The following KRT8 variants were observed in gnomAD, a reference collection of about 807,000 sequenced individuals.
KRT8 encodes keratin, type II cytoskeletal 8.
In KRT8, 24 loss-of-function variants were observed where a neutral mutation model predicts 43.0. The observed-to-expected ratio is 0.56, with a 90% confidence interval of 0.40 to 0.78. KRT8 has a LOEUF of 0.78. Among genes scored for constraint, KRT8 ranks in the 30% least tolerant of loss-of-function variants. KRT8 has a pLI of 0.00. For synonymous variants in KRT8, 214 were observed against 261.2 expected, an observed-to-expected ratio of 0.82 and a Z score of 1.74; for missense variants, 492 against 638.4, an observed-to-expected ratio of 0.77 and a Z score of 2.47.
At chr12:52,938,136 C>A (rs990306823) in intron 2 of KRT8, among the ~76,000 whole-genome samples, 9 of 44,048 alleles carry the variant, frequency 2.0e-4, no homozygotes, top group Non-Finnish European at 3.7e-4. Context: ...CACTAGAAAG[C>A]TATATATATA....
chr12:52,922,323 T>C (rs911039104), intron 2 of KRT8, among the ~76,000 whole-genome samples: 3 of 151,724 alleles, frequency 2.0e-5, no homozygotes, highest in Admixed American at 6.6e-5. Context: ...CAGTACCATA[T>C]GGCAGGCACT....
At chr12:52,948,839 A>G (rs1010369938) in intron 2 of KRT8, 18 of 413,370 alleles carry the variant, frequency 4.4e-5, no homozygotes, top group Admixed American at 2.2e-4. Flanking sequence ...CTGGGGGAGA[A>G]GAGCATAATA....
chr12:52,900,051 C>T (rs1941327631), exon 5 of KRT8: 18 of 1,612,516 alleles, frequency 1.1e-5, no homozygotes, highest in Non-Finnish European at 1.4e-5. Context: ...TCTGGGACTG[C>T]AGCTCCCGGA....
chr12:52,903,027 C>T (rs1026739839), intron 1 of KRT8, among the ~76,000 whole-genome samples: 2 of 152,022 alleles, frequency 1.3e-5, no homozygotes, highest in Admixed American at 6.5e-5. Context: ...AACAAAAAAA[C>T]TTGTAACTCC....
chr12:52,901,139 G>C lies in KRT8; in HGVS notation c.594+20C>G, dbSNP rs1332218261. ...GCCCCAGCCTCCAGTGTCCAGATAGGAGAAGGGAGACTCCCTCACCTTCTT... is the reference window on the plus strand; with the variant it reads ...GCCCCAGCCTCCAGTGTCCAGATAGCAGAAGGGAGACTCCCTCACCTTCTT... On this transcript the variant is annotated intron_variant, in intron 3 of 7. Coordinates refer to ENST00000692008, the Ensembl canonical transcript of KRT8. The C allele has an allele frequency of 6.4e-7, 1 of 1,566,608 alleles. No individual in the cohort carries two copies. The highest frequency in any genetic ancestry group is 8.8e-7 in the Non-Finnish European group (1 of 1,136,814).
At chr12:52,910,618 G>A (rs1344883369), upstream of KRT8, among the ~76,000 whole-genome samples, 1 of 152,218 alleles carries the variant, frequency 6.6e-6, no homozygotes, top group East Asian at 1.9e-4. Flanking sequence ...GGAAGTGGAA[G>A]TTATTGAGAG....
chr12:52,918,248 A>AAGAAGAAGAAGAAGG (rs1565725906), intron 2 of KRT8, among the ~76,000 whole-genome samples: 6 of 151,738 alleles, frequency 4.0e-5, no homozygotes, highest in African/African-American at 1.5e-4. Flanking sequence ...GAAGAAGAAG[A>AAGAAGAAGAAGAAGG]AGAAGAAGAA....
At chr12:52,922,395 A>G (rs2007964) in intron 2 of KRT8, among the ~76,000 whole-genome samples, 115,572 of 152,030 alleles carry the variant, frequency 0.76, 44,896 homozygotes, top group African/African-American at 0.92. Context: ...TGAGGAGGCC[A>G]GGCACGGTGG....
chr12:52,949,607 A>C, intron 1 of KRT8: 1 of 1,606,568 alleles, frequency 6.2e-7, no homozygotes, highest in Non-Finnish European at 8.5e-7. Context: ...GGTAGGAGGG[A>C]CCTCAACTCC....
chr12:52,900,533 G>C, intron 4 of KRT8, 55 bp downstream of exon 4: 1 of 1,132,498 alleles, frequency 8.8e-7, no homozygotes, highest in Non-Finnish European at 1.3e-6. Flanking sequence ...GAGTCTCAGG[G>C]TGGAGGCGCT....
chr12:52,938,136 CTATATATATATATATATATATA>C (rs1161700326), intron 2 of KRT8, among the ~76,000 whole-genome samples: 1 of 44,054 alleles, frequency 2.3e-5, no homozygotes, highest in East Asian at 5.4e-4. Context: ...CACTAGAAAG[CTATATATATATATATATATATA>C]TATATATATA....
upstream of KRT8, among the ~76,000 whole-genome samples, chr12:52,905,404 C>T (rs189621388): frequency 8.5e-5 from 13 of 152,192 alleles, no homozygotes; most frequent in African/African-American, 2.9e-4. Context: ...TGTCTCCCTC[C>T]CTCCTGGGGG....
At chr12:52,897,397 G>C in exon 8 of KRT8, 1 of 1,579,116 alleles carries the variant, frequency 6.3e-7, no homozygotes, top group East Asian at 2.2e-5. Context: ...CAGCGCAGGA[G>C]GGGTAGGCTG....
intron 2 of KRT8, chr12:52,948,620 TAG>T: frequency 3.6e-6 from 1 of 274,376 alleles, no homozygotes; most frequent in Non-Finnish European, 6.7e-6. Flanking sequence ...GCCTCCCAAG[TAG>T]CTGAGACTAC....
intron 2 of KRT8, among the ~76,000 whole-genome samples, chr12:52,939,087 A>G (rs1320220751): frequency 3.3e-5 from 5 of 151,992 alleles, no homozygotes; most frequent in Admixed American, 2.0e-4. Context: ...CCTGTATCTT[A>G]AAAAAAAGTA....
upstream of KRT8, chr12:52,906,785 G>A (rs1941530113): frequency 2.2e-6 from 1 of 455,736 alleles, no homozygotes; most frequent in African/African-American, 2.0e-5. Flanking sequence ...CCTGACCCAG[G>A]GAAGGGGGTG....
Position 52,949,256 on chromosome 12 carries a change from C to G in KRT8, c.-47+200G>C, listed in dbSNP as rs74379840. On this transcript the variant is annotated intron_variant, in intron 2 of 6. Coordinates refer to the KRT8 transcript ENST00000546826. The stretch of plus-strand genomic sequence containing the variant: ...CAGGCGCCCAGCTACGGCGCCCGGC[C>G]GGTCAGCAGCGCGGCCAGCGTCTAT... 15 of 1,520,712 alleles carry G rather than the reference C, an allele frequency of 9.9e-6. No homozygotes were observed. The South Asian group carries it at 1.1e-4, about 12-fold the overall frequency. The allele number at this position is 1,520,712 out of a possible 1,614,324, so 94.2% of individuals were successfully genotyped here.
At chr12:52,949,065 G>GA in intron 2 of KRT8, 1 of 1,065,384 alleles carries the variant, frequency 9.4e-7, no homozygotes, top group Non-Finnish European at 1.4e-6. Flanking sequence ...CGGCTCCGGG[G>GA]CGGGGGCGGG....
intron 2 of KRT8, among the ~76,000 whole-genome samples, chr12:52,928,244 C>T (rs1409597716): frequency 6.6e-6 from 1 of 152,108 alleles, no homozygotes; most frequent in Non-Finnish European, 1.5e-5. Context: ...AGTGTGTCTC[C>T]TCTGAGAGCC....
Sources: gnomAD v4.1 joint callset for allele counts (sites outside exome capture counted in the v4.1 genomes callset) on GRCh38, gnomAD v4.1.1 for gene constraint, MANE v1.5 for transcripts, NCBI Gene and HGNC (gene_info 2026-07-23, HGNC 2026-07-21) for gene names.